Variants in PSMG2 observed in about 807,000 individuals in gnomAD.
PSMG2 encodes CD40 ligand-activated specific transcript 3.
PSMG2 carries 21 observed loss-of-function variants against 31.5 expected under a neutral mutation model. The ratio of observed to expected loss-of-function variants is 0.67; its 90% confidence interval spans 0.47 to 0.96. PSMG2 has a LOEUF of 0.96. PSMG2 is among the 40% of genes least tolerant of loss of function. The pLI, the probability that PSMG2 is intolerant of heterozygous loss-of-function variation, is 0.00. For synonymous variants in PSMG2, 120 were observed against 110.4 expected (o/e 1.09, Z -0.54); for missense variants, 318 against 321.2 (o/e 0.99, Z 0.08).
intron 1 of PSMG2, among the ~76,000 whole-genome samples, chr18:12,687,286 C>T (rs1003789014): frequency 1.3e-5 from 2 of 152,054 alleles, no homozygotes; most frequent in Non-Finnish European, 2.9e-5. Flanking sequence ...TGTCTTTCTC[C>T]ACAACCAGAA....
rs2145133339 is a variant in PSMG2 at position 12,706,533 on chromosome 18, A to G, written c.58-17A>G. 6.2e-7 allele frequency: 1 copy of G among 1,612,450 alleles called. No individual in the cohort carries two copies. On this transcript the variant is annotated splice_polypyrimidine_tract_variant and intron_variant, in intron 1 of 6. Transcript: ENST00000317615. ...CTAATTTTGGTGACTTACTGAACAT[A>G]TCTTTTATAATTTCAGCCAGCAGTA...
intron 1 of PSMG2, chr18:12,691,496 T>G: frequency 6.4e-7 from 1 of 1,573,404 alleles, no homozygotes; most frequent in East Asian, 2.2e-5. Context: ...AGCTTGAAAT[T>G]GAAAAAAATA....
chr18:12,712,652 C>A, intron 2 of PSMG2, 50 bp from the exon 3 acceptor site: 1 of 1,343,338 alleles, frequency 7.4e-7, no homozygotes, highest in Non-Finnish European at 1.0e-6. Flanking sequence ...ATAATTTCAA[C>A]TTGTATAACT....
chr18:12,662,758 T>TA (rs1175273600), intron 1 of PSMG2, among the ~76,000 whole-genome samples: 3 of 152,110 alleles, frequency 2.0e-5, no homozygotes, highest in Admixed American at 6.6e-5. Flanking sequence ...GCCTGGGCGA[T>TA]AGAGTGAGAC....
At position 12,697,399 on chromosome 18, in the gene PSMG2, G is replaced by T. The variant is rs764113871; in HGVS notation, c.-36-9151G>T. ...CATTGTTGTTGAATCAGCCATTCTA[G>T]TTCCATCACCTAGCAATATAATCCA... is the stretch of plus-strand genomic sequence containing the variant. On this transcript the variant is annotated intron_variant, in intron 1 of 6. Transcript: ENST00000585331. 2.2e-5 allele frequency: 36 copies of T among 1,605,850 alleles called. No homozygotes were observed. Among genetic ancestry groups the T allele is most frequent in the Non-Finnish European group, 3.0e-5 (35 of 1,175,442 alleles).
At chr18:12,668,291 G>T (rs970431159) in intron 1 of PSMG2, among the ~76,000 whole-genome samples, 1 of 150,096 alleles carries the variant, frequency 6.7e-6, no homozygotes, top group Non-Finnish European at 1.5e-5. Context: ...ACCGCCACTG[G>T]CCAAAAAAAG....
At chr18:12,716,742 G>A (rs998919147) in intron 3 of PSMG2, among the ~76,000 whole-genome samples, 5 of 151,958 alleles carry the variant, frequency 3.3e-5, no homozygotes, top group African/African-American at 9.7e-5. Context: ...TTGATTCTTT[G>A]TGCTGATACT....
chr18:12,725,292 A>C, intron 6 of PSMG2, 147 bp from the exon 7 acceptor site: 1 of 548,006 alleles, frequency 1.8e-6, no homozygotes, highest in Middle Eastern at 3.9e-4. Flanking sequence ...ACATGAAGAC[A>C]AAGAAACTTT....
At chr18:12,703,241 G>T (rs928655939) in intron 1 of PSMG2, 77 bp downstream of exon 1, 1 of 1,462,640 alleles carries the variant, frequency 6.8e-7, no homozygotes, top group Non-Finnish European at 9.3e-7. Context: ...GGGGTGTTTG[G>T]CGGTGCCTTG....
At chr18:12,707,830 G>C (rs1244430457) in intron 2 of PSMG2, among the ~76,000 whole-genome samples, 1 of 152,176 alleles carries the variant, frequency 6.6e-6, no homozygotes, top group Non-Finnish European at 1.5e-5. Context: ...TGGTTTTTGT[G>C]TCTTACTAAC....
upstream of PSMG2, chr18:12,699,094 C>T (rs144883006): frequency 1.4e-5 from 22 of 1,613,982 alleles, no homozygotes; most frequent in Admixed American, 1.7e-5. Context: ...ATAAAGTAAA[C>T]GTTGAACAAA....
chr18:12,709,077 G>T (rs994650311), intron 2 of PSMG2, among the ~76,000 whole-genome samples: 1 of 134,940 alleles, frequency 7.4e-6, no homozygotes, highest in Non-Finnish European at 1.6e-5. Context: ...AGACAGTCTC[G>T]CCCTGTTGCC....
At chr18:12,674,932 T>C (rs1360493064) in intron 1 of PSMG2, among the ~76,000 whole-genome samples, 1 of 152,070 alleles carries the variant, frequency 6.6e-6, no homozygotes, top group East Asian at 1.9e-4. Flanking sequence ...AAAGGAACTA[T>C]AGGTGATCAG....
At chr18:12,697,313 T>G in intron 1 of PSMG2, 1 of 1,613,990 alleles carries the variant, frequency 6.2e-7, no homozygotes, top group Non-Finnish European at 8.5e-7. Context: ...GCTACTAAAG[T>G]CGTCTCACCA....
At chr18:12,701,155 C>A, upstream of PSMG2, 1 of 1,471,866 alleles carries the variant, frequency 6.8e-7, no homozygotes, top group South Asian at 1.2e-5. Context: ...CATCACAAAG[C>A]AGTCAAATAC....
chr18:12,702,602 C>T, upstream of PSMG2: 1 of 1,565,136 alleles, frequency 6.4e-7, no homozygotes, highest in Non-Finnish European at 8.6e-7. Context: ...GCCCTAACTG[C>T]GCGGCCCCGG....
intron 1 of PSMG2, among the ~76,000 whole-genome samples, chr18:12,668,734 CTTTTTT>C (rs543253434): frequency 6.9e-4 from 67 of 96,736 alleles, no homozygotes; most frequent in African/African-American, 2.1e-3. Flanking sequence ...CACTTTATTC[CTTTTTT>C]TTTTTTTTTT....
At chr18:12,702,164 A>G (rs574198591), upstream of PSMG2, among the ~76,000 whole-genome samples, 56 of 152,144 alleles carry the variant, frequency 3.7e-4, no homozygotes, top group African/African-American at 1.2e-3. Context: ...CAGAATATAA[A>G]CCTCCAAATA....
chr18:12,681,894 G>A (rs1003165581), intron 1 of PSMG2, among the ~76,000 whole-genome samples: 1 of 151,976 alleles, frequency 6.6e-6, no homozygotes, highest in Non-Finnish European at 1.5e-5. Context: ...TACTCAGGAG[G>A]CTGAGGCAGG....
Sources: gnomAD v4.1 joint callset for allele counts (sites outside exome capture counted in the v4.1 genomes callset) on GRCh38, gnomAD v4.1.1 for gene constraint, MANE v1.5 for transcripts, NCBI Gene and HGNC (gene_info 2026-07-23, HGNC 2026-07-21) for gene names.